LAMP5: variants seen among roughly 807,000 people sequenced by gnomAD.
The protein encoded by LAMP5 is lysosome associated membrane protein 5.
A neutral mutation model predicts 30.2 loss-of-function variants in LAMP5; 36 were observed. That is an observed-to-expected ratio of 1.19 (90% confidence interval 0.91 to 1.57). The LOEUF (loss-of-function observed/expected upper bound fraction) is 1.57, where lower values mean the gene tolerates loss of function less well. Ranked by LOEUF, LAMP5 falls within the 40% of genes most tolerant of loss-of-function variation. LAMP5 has a pLI of 0.00. For synonymous variants in LAMP5, 149 were observed against 134.6 expected (o/e 1.11, Z -0.74); for missense variants, 377 against 354.9 (o/e 1.06, Z -0.50).
chr20:9,526,065 C>A (rs1487530886), intron 5 of LAMP5, among the ~76,000 whole-genome samples: 5 of 152,160 alleles, frequency 3.3e-5, no homozygotes, highest in Admixed American at 2.6e-4. Context: ...GAGACAGAGG[C>A]TAGAGCCACA....
Position 9,516,339 on chromosome 20 carries a change from C to T in LAMP5, c.453C>T (p.Thr151=), listed in dbSNP as rs1394027387. The change falls in exon 4 of 6, where the codon ACC becomes ACT. Residue 151 remains threonine, a synonymous_variant. Coordinates refer to ENST00000246070, the MANE Select transcript of LAMP5 (RefSeq NM_012261.4). ...VQFVYDSSEK[T]HFKDAVSAGK... ...TTGTCTACGACTCCTCGGAGAAAAC[C>T]CACTTCAAAGACGCAGTCAGTGGTG... 1.2e-6 allele frequency: 2 copies of T among 1,613,960 alleles called. No individual in the cohort carries two copies. The highest frequency in any genetic ancestry group is 1.1e-5 in the South Asian group (1 of 91,082).
chr20:9,518,313 T>C, intron 5 of LAMP5, 85 bp downstream of exon 5: 1 of 1,216,410 alleles, frequency 8.2e-7, no homozygotes, highest in Non-Finnish European at 1.2e-6. Context: ...CCCAGGATGT[T>C]ACCACTTGGA....
At chr20:9,522,876 G>A (rs2045088022) in intron 5 of LAMP5, among the ~76,000 whole-genome samples, 1 of 152,024 alleles carries the variant, frequency 6.6e-6, no homozygotes, top group African/African-American at 2.4e-5. Flanking sequence ...TCAGTCTAGT[G>A]GGATAGGGTG....
intron 5 of LAMP5, 22 bp downstream of exon 5, chr20:9,518,250 G>C (rs749401464): frequency 3.7e-6 from 6 of 1,608,666 alleles, no homozygotes; most frequent in Non-Finnish European, 5.1e-6. Flanking sequence ...GGGGATGGAG[G>C]GGAAGAAGAC....
intron 5 of LAMP5, among the ~76,000 whole-genome samples, chr20:9,527,378 T>C (rs1255277225): frequency 6.6e-6 from 1 of 152,186 alleles, no homozygotes; most frequent in Non-Finnish European, 1.5e-5. Context: ...TTAGAACTGA[T>C]TGTTAATTTA....
At chr20:9,518,388 A>G (rs1050432512) in intron 5 of LAMP5, among the ~76,000 whole-genome samples, 160 bp downstream of exon 5, 2 of 152,230 alleles carry the variant, frequency 1.3e-5, no homozygotes, top group Admixed American at 6.5e-5. Context: ...AAAAAGCAGT[A>G]AGCTGAATGT....
chr20:9,520,509 A>G (rs974095348), intron 5 of LAMP5, among the ~76,000 whole-genome samples: 4 of 152,036 alleles, frequency 2.6e-5, no homozygotes, highest in African/African-American at 9.7e-5. Flanking sequence ...TGAGTGGAGT[A>G]TGCTTGCATG....
At chr20:9,527,199 C>A (rs939791719) in intron 5 of LAMP5, among the ~76,000 whole-genome samples, 1 of 152,074 alleles carries the variant, frequency 6.6e-6, no homozygotes, top group African/African-American at 2.4e-5. Flanking sequence ...TAGTTTAGGT[C>A]TGTTAAGTGC....
Position 9,518,061 on chromosome 20 carries a change from C to G in LAMP5, c.497C>G (p.Ser166Trp), listed in dbSNP as rs369320779. Residue 166 changes from serine (S) to tryptophan (W), a missense_variant, in exon 5 of 6, where the codon TCG (serine) becomes TGG (tryptophan). Ser to Trp is a radical substitution (Grantham distance 177). Coordinates refer to ENST00000246070, the MANE Select transcript of LAMP5 (RefSeq NM_012261.4). ...AVSAGKHTAN[S>W]HHLSALVTPA... is the part of the protein sequence containing the mutation. ...GTAGCTGGGAAGCACACAGCCAACT[C>G]GCACCACCTCTCTGCCTTGGTCACC... 30 of 1,613,708 alleles carry G rather than the reference C, an allele frequency of 1.9e-5. No homozygotes were observed. The highest frequency in any genetic ancestry group is 2.0e-5 in the Non-Finnish European group (24 of 1,179,998).
chr20:9,517,645 A>G (rs2122831855), intron 4 of LAMP5, among the ~76,000 whole-genome samples: 1 of 101,044 alleles, frequency 9.9e-6, no homozygotes, highest in African/African-American at 4.6e-5. Flanking sequence ...GTATTTGTAG[A>G]GACAGAGTCT....
intron 2 of LAMP5, 91 bp downstream of exon 2, chr20:9,515,716 C>A (rs1386357435): frequency 2.8e-6 from 4 of 1,411,606 alleles, no homozygotes; most frequent in Non-Finnish European, 3.9e-6. Context: ...CTGGGTTGCC[C>A]GCCTTCTTTC....
At chr20:9,524,317 T>G (rs1014532936) in intron 5 of LAMP5, among the ~76,000 whole-genome samples, 9 of 152,110 alleles carry the variant, frequency 5.9e-5, no homozygotes, top group African/African-American at 2.2e-4. Context: ...GATTACAACC[T>G]TTTCTTAGTA....
In LAMP5 at chr20:9,525,528, T is replaced by G. The variant is rs184593312; in HGVS notation, c.665-4114T>G. On this transcript the variant is annotated intron_variant, in intron 5 of 5. Coordinates refer to ENST00000246070, the MANE Select transcript of LAMP5 (RefSeq NM_012261.4). ...CCACTATCATCTCTTTCTCTCACAA[T>G]GTTCCATTACATCTACTCCCTCTTG... Among the ~76,000 whole-genome samples the G allele has an allele frequency of 5.8e-3, 888 of 152,332 alleles. 11 individuals are homozygous for G. The highest frequency in any genetic ancestry group is 0.02 in the African/African-American group (827 of 41,572).
At chr20:9,523,830 A>G (rs2045094408) in intron 5 of LAMP5, among the ~76,000 whole-genome samples, 1 of 152,198 alleles carries the variant, frequency 6.6e-6, no homozygotes, top group South Asian at 2.1e-4. Flanking sequence ...CGGAAGTCAG[A>G]GGCCTTCCTT....
intron 5 of LAMP5, among the ~76,000 whole-genome samples, chr20:9,525,840 A>G (rs2045108313): frequency 6.6e-6 from 1 of 152,158 alleles, no homozygotes; most frequent in Non-Finnish European, 1.5e-5. Context: ...CATGTTCTCC[A>G]GTGATTTTGC....
chr20:9,529,133 ATGTT>A (rs1333342072), intron 5 of LAMP5, among the ~76,000 whole-genome samples: 1 of 152,128 alleles, frequency 6.6e-6, no homozygotes, highest in Non-Finnish European at 1.5e-5. Flanking sequence ...GATGCTGGGT[ATGTT>A]TGTCTTTATT....
intron 5 of LAMP5, among the ~76,000 whole-genome samples, chr20:9,526,778 T>TA (rs11477011): frequency 6.7e-6 from 1 of 150,206 alleles, no homozygotes; most frequent in African/African-American, 2.4e-5. Context: ...AACTATCTTT[T>TA]AAAAAAGCTA....
intron 5 of LAMP5, among the ~76,000 whole-genome samples, chr20:9,519,016 C>A (rs561243669): frequency 3.5e-4 from 53 of 152,318 alleles, no homozygotes; most frequent in Admixed American, 3.0e-3. Context: ...TGTGCTGTGG[C>A]AGGTTCAGGT....
At chr20:9,515,960 C>T (rs1280627020) in intron 2 of LAMP5, 40 bp from the exon 3 acceptor site, 2 of 1,466,114 alleles carry the variant, frequency 1.4e-6, no homozygotes, top group African/African-American at 1.4e-5. Context: ...CGCCCCGGGG[C>T]CGGGCGAGCT....
Sources: gnomAD v4.1 joint callset for allele counts (sites outside exome capture counted in the v4.1 genomes callset) on GRCh38, gnomAD v4.1.1 for gene constraint, MANE v1.5 for transcripts, NCBI Gene and HGNC (gene_info 2026-07-23, HGNC 2026-07-21) for gene names.